Variants in ATP11C observed in about 807,000 individuals in gnomAD.
The protein encoded by ATP11C is phospholipid-transporting ATPase IG.
A neutral mutation model predicts 97.4 loss-of-function variants in ATP11C; 36 were observed. That is an observed-to-expected ratio of 0.37 (90% CI 0.28 to 0.49). The LOEUF (loss-of-function observed/expected upper bound fraction) is 0.49, where lower values mean the gene tolerates loss of function less well. Ranked by LOEUF, ATP11C falls within the 20% of genes least tolerant of loss-of-function variation. The pLI is 0.98. For synonymous variants in ATP11C, 275 were observed against 290.9 expected (o/e 0.95, Z 0.56); for missense variants, 730 against 824.6 (o/e 0.89, Z 1.40).
At chrX:139,778,889 G>A (rs749616297) in intron 18 of ATP11C, among the ~76,000 whole-genome samples, 1 of 111,728 alleles carries the variant, frequency 9.0e-6, no homozygotes, top group South Asian at 3.8e-4. Context: ...CTAAAGGGAT[G>A]GAGAAAGATC....
chrX:139,757,309 T>A (rs1049772294), intron 23 of ATP11C, among the ~76,000 whole-genome samples: 2 of 111,778 alleles, frequency 1.8e-5, no homozygotes, highest in African/African-American at 3.2e-5. Flanking sequence ...ATCCTACCAC[T>A]TATGTATCAA....
chrX:139,867,107 T>C (rs1206026943), intron 1 of ATP11C, among the ~76,000 whole-genome samples: 1 of 110,648 alleles, frequency 9.0e-6, no homozygotes, highest in African/African-American at 3.3e-5. Context: ...CAAAACAAAA[T>C]TTACTATCAG....
Position 139,802,267 on chromosome X carries a change from C to T in ATP11C, c.628G>A (p.Glu210Lys). The T allele has an allele frequency of 8.3e-7, 1 of 1,208,332 alleles. No individual in the cohort carries two copies. The highest frequency in any genetic ancestry group is 2.3e-4 in the Middle Eastern group (1 of 4,347). ...ESIDTLRAAI[E>K]CEQPQPDLYK... ...AGGTCAGGTTGAGGCTGTTCACATT[C>T]AATTGCTGCTCGGAGGGTATCGATG... The change falls in exon 7 of 30, where the codon GAA (glutamate) becomes AAA (lysine). Residue 210 changes from glutamate (E) to lysine (K), a missense_variant. Transcript: ENST00000682941.
upstream of ATP11C, among the ~76,000 whole-genome samples, chrX:139,933,307 G>A (rs1182604193): frequency 1.6e-4 from 4 of 24,787 alleles, no homozygotes; most frequent in Admixed American, 2.2e-3. Context: ...TGTGGAGGCC[G>A]GGCGCACTCG....
intron 26 of ATP11C, among the ~76,000 whole-genome samples, chrX:139,743,195 T>A (rs2081607521): frequency 9.1e-6 from 1 of 109,621 alleles, no homozygotes; most frequent in Admixed American, 9.9e-5. Context: ...ACACACACTC[T>A]CTCTCTCTCT....
chrX:139,739,296 T>G, intron 27 of ATP11C, among the ~76,000 whole-genome samples: 1 of 110,429 alleles, frequency 9.1e-6, no homozygotes. Flanking sequence ...TTTTTGTTTT[T>G]TTTTTTTAAC....
chrX:139,873,247 G>C (rs1314146842), intron 1 of ATP11C, among the ~76,000 whole-genome samples: 1 of 112,439 alleles, frequency 8.9e-6, no homozygotes, highest in Non-Finnish European at 1.9e-5. Context: ...GAGACAAAAA[G>C]TAGAACAGTG....
In ATP11C at chrX:139,815,093, ATTAAT is replaced by A. The variant is rs901111165; in HGVS notation, c.319-113_319-109del. Reference sequence around the variant, plus strand: ...AACACCAAATATTTATAATTATAGCATTAATTTAAACTCAGAATGCTAAAGAGACA... The same window carrying A: ...AACACCAAATATTTATAATTATAGCATTAAACTCAGAATGCTAAAGAGACA... On this transcript the variant is annotated intron_variant, in intron 4 of 29. Coordinates refer to ENST00000682941, the MANE Select transcript of ATP11C (RefSeq NM_001353812.2). The A allele has an allele frequency of 5.4e-5, 23 of 425,580 alleles. No individual in the cohort carries two copies. In the African/African-American group the frequency reaches 6.0e-4, roughly 11 times the overall value. 35.1% of individuals were successfully genotyped at this position (425,580 alleles called of 1,213,427 possible).
At chrX:139,797,849 C>T (rs777242663) in intron 10 of ATP11C, among the ~76,000 whole-genome samples, 3 of 111,450 alleles carry the variant, frequency 2.7e-5, no homozygotes, top group Admixed American at 9.6e-5. Flanking sequence ...TGAGGATCTA[C>T]GAGGCACTGC....
At chrX:139,776,512 C>T (rs68156311) in intron 18 of ATP11C, among the ~76,000 whole-genome samples, 5,614 of 111,586 alleles carry the variant, frequency 0.05, 239 homozygotes, top group East Asian at 0.29. Context: ...GTGAGCCCTA[C>T]GACAGGGGCA....
chrX:139,777,812 T>C (rs73579558), intron 18 of ATP11C, among the ~76,000 whole-genome samples: 6,403 of 109,253 alleles, frequency 0.059, 447 homozygotes, highest in African/African-American at 0.2. Flanking sequence ...ATCAGACTAA[T>C]AGTGAATTTC....
At chrX:139,855,308 T>C (rs1421792054) in intron 1 of ATP11C, among the ~76,000 whole-genome samples, 3 of 112,114 alleles carry the variant, frequency 2.7e-5, no homozygotes, top group Non-Finnish European at 5.6e-5. Context: ...ACTTGGTTTA[T>C]CTTCCACTTT....
intron 3 of ATP11C, among the ~76,000 whole-genome samples, chrX:139,817,784 CCAA>C (rs1433637080): frequency 9.0e-6 from 1 of 111,368 alleles, no homozygotes; most frequent in Non-Finnish European, 1.9e-5. Flanking sequence ...GGCAAAAATG[CCAA>C]GAGTTAGATG....
intron 14 of ATP11C, among the ~76,000 whole-genome samples, chrX:139,787,721 C>T (rs2082605232): frequency 8.9e-6 from 1 of 112,339 alleles, no homozygotes; most frequent in Non-Finnish European, 1.9e-5. Context: ...AAGTCAATGC[C>T]CAGCCACAAT....
chrX:139,905,044 G>A (rs2084953862), intron 1 of ATP11C, among the ~76,000 whole-genome samples: 1 of 112,288 alleles, frequency 8.9e-6, no homozygotes, highest in South Asian at 3.7e-4. Context: ...AAACAATTCA[G>A]GGGACCACAA....
intron 1 of ATP11C, among the ~76,000 whole-genome samples, chrX:139,889,577 C>A (rs1327049346): frequency 2.7e-4 from 30 of 111,715 alleles, no homozygotes; most frequent in Non-Finnish European, 1.9e-5. Context: ...GTAAATTATA[C>A]CTCAATAATT....
In ATP11C at chrX:139,932,526, C is replaced by G. The variant is rs1229407996; in HGVS notation, c.-484G>C. On this transcript the variant is annotated 5_prime_UTR_variant, in exon 1 of 30. Coordinates refer to ENST00000682941, the MANE Select transcript of ATP11C (RefSeq NM_001353812.2). ...CCCCGCTGGACTCCGCGGCCGCCCC[C>G]CTCGGGGCACGGGGAACCCTCCCGA... 3.6e-5 allele frequency: 4 copies of G among 110,939 alleles called. No individual in the cohort carries two copies. Among genetic ancestry groups the G allele is most frequent in the Non-Finnish European group, 7.6e-5 (4 of 52,545 alleles). 9.1% of individuals were successfully genotyped at this position (110,939 alleles called of 1,213,427 possible). A position where few individuals can be genotyped will look rare whatever the true frequency, so the allele number is the denominator to read the frequency against.
chrX:139,825,726 A>AT (rs1030339190), intron 2 of ATP11C, among the ~76,000 whole-genome samples: 6 of 112,524 alleles, frequency 5.3e-5, no homozygotes, highest in African/African-American at 1.9e-4. Flanking sequence ...AAGGAAGGGC[A>AT]TAATTTTGTG....
rs1239229087 is a variant in ATP11C, at chrX:139,797,201, G to A, written c.983C>T (p.Thr328Ile). ...CTTCAAGGTCTCTCGCTCTTTCTGA[G>A]TCTTTTGGTTATACCAAGGTTCATC... Reference protein sequence around the residue: ...YNDEPWYNQKTQKERETLKVL... With the variant: ...YNDEPWYNQKIQKERETLKVL... The change falls in exon 11 of 30, where the codon ACT (threonine) becomes ATT (isoleucine). Residue 328 changes from threonine to isoleucine, a missense_variant. Thr to Ile is a moderately conservative substitution (Grantham distance 89, BLOSUM62 -1). Coordinates refer to ENST00000682941, the MANE Select transcript of ATP11C (RefSeq NM_001353812.2). The A allele has an allele frequency of 8.3e-7, 1 of 1,200,571 alleles. No homozygotes were observed. Among genetic ancestry groups the A allele is most frequent in the Non-Finnish European group, 1.1e-6 (1 of 892,585 alleles).
Sources: gnomAD v4.1 joint callset for allele counts (sites outside exome capture counted in the v4.1 genomes callset) on GRCh38, gnomAD v4.1.1 for gene constraint, MANE v1.5 for transcripts, NCBI Gene and HGNC (gene_info 2026-07-23, HGNC 2026-07-21) for gene names.